GADL1: variants seen among roughly 807,000 people sequenced by gnomAD.
GADL1 encodes the protein GAD like acidic amino acid decarboxylase 1.
GADL1 carries 71 observed loss-of-function variants against 69.5 expected under a neutral mutation model. The ratio of observed to expected loss-of-function variants is 1.02; its 90% CI spans 0.84 to 1.25. The LOEUF (loss-of-function observed/expected upper bound fraction) is 1.25. Among genes scored for constraint, GADL1 ranks in the 50% most tolerant of loss-of-function variants. The pLI, the probability that GADL1 is intolerant of heterozygous loss-of-function variation, is 0.00. For synonymous variants in GADL1, 254 were observed against 214.4 expected, an observed-to-expected ratio of 1.18 and a Z score of -1.62; for missense variants, 737 against 631.8, an observed-to-expected ratio of 1.17 and a Z score of -1.79.
At chr3:30,786,247 T>G in intron 13 of GADL1, 108 bp downstream of exon 13, 1 of 732,304 alleles carries the variant, frequency 1.4e-6, no homozygotes, top group Non-Finnish European at 2.4e-6. Flanking sequence ...ATGACTTGTT[T>G]TTAACTCTGC....
At chr3:30,812,401 G>GC (rs1697374216) in intron 11 of GADL1, among the ~76,000 whole-genome samples, 1 of 152,236 alleles carries the variant, frequency 6.6e-6, no homozygotes, top group African/African-American at 2.4e-5. Context: ...TGGCTGGGAA[G>GC]CCCTCATAAT....
Position 30,735,023 on chromosome 3 carries a change from G to T in GADL1, c.1393-6608C>A, listed in dbSNP as rs188650362. On this transcript the variant is annotated intron_variant, in intron 14 of 14. Coordinates refer to ENST00000282538, the MANE Select transcript of GADL1 (RefSeq NM_207359.3). The stretch of plus-strand genomic sequence containing the variant: ...TAAATCTCTCTACTTTGTTGTTGTT[G>T]TTTTTCTTCCTGATTTAGTCTTAGG... Among the ~76,000 whole-genome samples, 232 of 152,162 alleles carry T rather than the reference G, an allele frequency of 1.5e-3. 1 individual carries two copies. Among genetic ancestry groups the T allele is most frequent in the African/African-American group, 5.4e-3 (225 of 41,528 alleles).
chr3:30,844,375 T>C lies in GADL1; in HGVS notation c.731+12A>G. ...CTCCACCCACCAGGCTTCCAGATCC[T>C]GTTCCCATTACCTTCCATCTGTTTC... is the stretch of plus-strand genomic sequence containing the variant. On this transcript the variant is annotated intron_variant, in intron 7 of 14. Coordinates refer to ENST00000282538, the MANE Select transcript of GADL1 (RefSeq NM_207359.3). 2 of 1,606,378 alleles carry C rather than the reference T, an allele frequency of 1.2e-6. No individual in the cohort carries two copies. The highest frequency in any genetic ancestry group is 1.7e-6 in the Non-Finnish European group (2 of 1,172,904).
intron 11 of GADL1, among the ~76,000 whole-genome samples, chr3:30,820,795 C>A (rs954821607): frequency 6.6e-6 from 1 of 151,660 alleles, no homozygotes; most frequent in Non-Finnish European, 1.5e-5. Context: ...CTAGAAATAC[C>A]ATTTGACCCA....
rs567398480 is a variant in GADL1, at chr3:30,839,485, C to A, written c.787-372G>T. The stretch of plus-strand genomic sequence containing the variant: ...TTTCTTCCTGAAAAAATACATTTAG[C>A]CTCCATTGTGCCATCATTGTCATCT... On this transcript the variant is annotated intron_variant, in intron 8 of 14. Coordinates refer to ENST00000282538, the MANE Select transcript of GADL1 (RefSeq NM_207359.3). 2.4e-3 allele frequency among the ~76,000 whole-genome samples: 327 copies of A among 133,806 alleles called. 1 individual carries two copies. Among genetic ancestry groups the A allele is most frequent in the Non-Finnish European group, 3.1e-3 (209 of 66,436 alleles). 87.8% of individuals were successfully genotyped at this position (133,806 alleles called of 152,430 possible).
At chr3:30,874,018 A>G (rs1698540094) in intron 1 of GADL1, among the ~76,000 whole-genome samples, 2 of 151,982 alleles carry the variant, frequency 1.3e-5, no homozygotes, top group South Asian at 4.1e-4. Flanking sequence ...GTACATTTAA[A>G]TTAAAACAGA....
intron 11 of GADL1, among the ~76,000 whole-genome samples, chr3:30,804,042 A>G (rs1193751571): frequency 6.6e-6 from 1 of 152,106 alleles, no homozygotes; most frequent in Non-Finnish European, 1.5e-5. Context: ...TATTAATTCA[A>G]CTCTCCTCAG....
chr3:30,744,881 T>A (rs76435796), intron 14 of GADL1, among the ~76,000 whole-genome samples: 2,599 of 152,294 alleles, frequency 0.017, 87 homozygotes, highest in African/African-American at 0.06. Flanking sequence ...GACAATGGGA[T>A]GTGTTTTGCC....
intron 12 of GADL1, among the ~76,000 whole-genome samples, chr3:30,792,409 C>T (rs186142122): frequency 1.3e-5 from 2 of 152,172 alleles, no homozygotes; most frequent in South Asian, 2.1e-4. Context: ...CCCATCTCTA[C>T]AAAGAATACA....
chr3:30,733,635 TCCTC>T, intron 14 of GADL1, among the ~76,000 whole-genome samples: 1 of 144,294 alleles, frequency 6.9e-6, no homozygotes, highest in South Asian at 2.3e-4. Context: ...CTTCCTTCCT[TCCTC>T]CTTCCCTCCC....
At chr3:30,831,401 G>A (rs1697790304) in intron 11 of GADL1, among the ~76,000 whole-genome samples, 1 of 151,800 alleles carries the variant, frequency 6.6e-6, no homozygotes, top group Admixed American at 6.6e-5. Context: ...TATTACTGAA[G>A]TACTATACTC....
intron 11 of GADL1, among the ~76,000 whole-genome samples, chr3:30,821,104 C>G (rs1173370168): frequency 1.3e-5 from 2 of 152,034 alleles, no homozygotes; most frequent in African/African-American, 4.8e-5. Context: ...TGTTCCCACT[C>G]ATAGGTGGGA....
chr3:30,825,727 C>T (rs1031985783), intron 11 of GADL1, among the ~76,000 whole-genome samples: 1 of 151,678 alleles, frequency 6.6e-6, no homozygotes, highest in African/African-American at 2.4e-5. Context: ...CAATGAGAAC[C>T]CATGGACACA....
rs754390243 is a variant in GADL1, at chr3:30,844,384, T to G, written c.731+3A>C. ...CCAGGCTTCCAGATCCTGTTCCCATTACCTTCCATCTGTTTCCACAAAGCA... is the reference window on the plus strand; with the variant it reads ...CCAGGCTTCCAGATCCTGTTCCCATGACCTTCCATCTGTTTCCACAAAGCA... On this transcript the variant is annotated splice_donor_region_variant and intron_variant, in intron 7 of 14. Coordinates refer to ENST00000282538, the MANE Select transcript of GADL1 (RefSeq NM_207359.3). The G allele has an allele frequency of 6.2e-7, 1 of 1,610,016 alleles. No individual in the cohort carries two copies. Among genetic ancestry groups the G allele is most frequent in the African/African-American group, 1.3e-5 (1 of 74,876 alleles).
intron 11 of GADL1, among the ~76,000 whole-genome samples, chr3:30,815,757 A>G (rs1027934910): frequency 5.3e-5 from 8 of 152,182 alleles, no homozygotes; most frequent in Non-Finnish European, 8.8e-5. Flanking sequence ...TTCTAAATCA[A>G]TGTTTTCTAT....
intron 14 of GADL1, among the ~76,000 whole-genome samples, chr3:30,749,084 G>A (rs1233533111): frequency 2.6e-5 from 4 of 152,142 alleles, no homozygotes; most frequent in African/African-American, 9.7e-5. Flanking sequence ...TGACTTTCAG[G>A]AAACCTCACT....
intron 6 of GADL1, among the ~76,000 whole-genome samples, chr3:30,848,533 T>A (rs1698092657): frequency 3.3e-5 from 5 of 149,636 alleles, no homozygotes; most frequent in Admixed American, 2.7e-4. Context: ...CACTTCATGT[T>A]AGTGGCAGGA....
At chr3:30,796,071 A>G (rs759327516) in intron 12 of GADL1, among the ~76,000 whole-genome samples, 20 of 152,342 alleles carry the variant, frequency 1.3e-4, no homozygotes, top group Non-Finnish European at 2.8e-4. Context: ...AAGTATTCTT[A>G]GACTGTAAAC....
intron 14 of GADL1, among the ~76,000 whole-genome samples, chr3:30,757,562 TTAC>T (rs1696006631): frequency 6.6e-6 from 1 of 152,196 alleles, no homozygotes; most frequent in East Asian, 1.9e-4. Flanking sequence ...TTGAGGATGA[TTAC>T]AGGCCCATGG....
Sources: allele counts gnomAD v4.1 joint callset (sites outside exome capture counted in the v4.1 genomes callset), GRCh38; gene constraint gnomAD v4.1.1; transcripts MANE v1.5; gene names NCBI Gene and HGNC (gene_info 2026-07-23, HGNC 2026-07-21).